POLE: variants seen among roughly 807,000 people sequenced by gnomAD.
POLE encodes DNA polymerase epsilon catalytic subunit A.
Under a neutral mutation model 279.2 loss-of-function variants are expected in POLE, and 188 were observed. That is an observed-to-expected ratio of 0.67 (90% CI 0.60 to 0.76). The LOEUF (loss-of-function observed/expected upper bound fraction) is 0.76. POLE is among the 30% of genes least tolerant of loss of function. POLE has a pLI of 0.00. For missense variants in POLE, 2,703 were observed against 3,016.7 expected, an observed-to-expected ratio of 0.90 and a Z score of 2.44; for synonymous variants, 1,214 against 1,172.5, an observed-to-expected ratio of 1.04 and a Z score of -0.72.
At chr12:132,666,161 G>T (rs970366514) in intron 20 of POLE, among the ~76,000 whole-genome samples, 1 of 152,198 alleles carries the variant, frequency 6.6e-6, no homozygotes, top group African/African-American at 2.4e-5. Context: ...ACAGCCAAAA[G>T]GTGGAAGCAA....
At position 132,649,888 on chromosome 12, in the gene POLE, A is replaced by T. The variant is rs1257772353; in HGVS notation, c.3584T>A (p.Val1195Asp). ...ELFTLEGRRQ[V>D]TMAEASEDSP... ...GTCTTCTGAGGCCTCGGCCATCGTG[A>T]CCTGGAAAGACCCAGTGAAGCCTTA... The change falls in exon 30 of 49, where the codon GTC (valine) becomes GAC (aspartate). Residue 1195 changes from valine to aspartate, a missense_variant and splice_region_variant. By Grantham distance (152) the Val-to-Asp change is radical. Transcript: ENST00000320574. 6.2e-7 allele frequency: 1 copy of T among 1,613,160 alleles called. No homozygotes were observed. Among genetic ancestry groups the T allele is most frequent in the African/African-American group, 1.3e-5 (1 of 74,872 alleles).
chr12:132,660,375 A>G (rs145292890), intron 25 of POLE: 4 of 152,642 alleles, frequency 2.6e-5, no homozygotes, highest in African/African-American at 9.6e-5. Flanking sequence ...ACAGAAGCCC[A>G]CACAGCAAAG....
chr12:132,687,310 A>C lies in POLE; in HGVS notation c.6T>G (p.Ser2=). Residue 2 remains serine, a synonymous_variant, in exon 1 of 49, where the codon TCT becomes TCG. Coordinates refer to ENST00000320574, the MANE Select transcript of POLE (RefSeq NM_006231.4). M[S]LRSGGRRRAD... ...CGCGCCGCCGCCCGCCGCTCCTCAG[A>C]GACATGGAGCCGTTGGCTACCACCT... The C allele has an allele frequency of 2.7e-6, 4 of 1,503,018 alleles. No individual in the cohort carries two copies. The highest frequency in any genetic ancestry group is 3.6e-6 in the Non-Finnish European group (4 of 1,125,890). The allele number at this position is 1,503,018 out of a possible 1,614,324, so 93.1% of individuals were successfully genotyped here.
At chr12:132,658,934 T>C (rs2042614480) in intron 26 of POLE, among the ~76,000 whole-genome samples, 1 of 148,432 alleles carries the variant, frequency 6.7e-6, no homozygotes, top group African/African-American at 2.4e-5. Flanking sequence ...TTTTAAGTTT[T>C]ACATACACGG....
intron 39 of POLE, chr12:132,641,183 C>T (rs1429879661): frequency 4.9e-6 from 2 of 409,028 alleles, no homozygotes; most frequent in South Asian, 1.8e-5. Flanking sequence ...CATTGCCCAG[C>T]ATGAACCACC....
intron 47 of POLE, 59 bp downstream of exon 47, chr12:132,625,586 T>C (rs916226219): frequency 1.6e-4 from 252 of 1,597,368 alleles, no homozygotes; most frequent in Non-Finnish European, 2.0e-4. Context: ...CTCCCGGGAG[T>C]GCACAGAAAC....
intron 6 of POLE, 39 bp from the exon 7 acceptor site, chr12:132,677,758 G>A (rs746752310): frequency 5.6e-6 from 9 of 1,604,082 alleles, no homozygotes; most frequent in Non-Finnish European, 7.7e-6. Context: ...CAGCTGCCAG[G>A]GTCTGGAGGA....
rs5744917 is a variant in POLE, at chr12:132,645,163, G to A, written c.4150-1186C>T. 7.2e-3 allele frequency among the ~76,000 whole-genome samples: 796 copies of A among 110,998 alleles called. 12 individuals carry two copies. The highest frequency in any genetic ancestry group is 0.026 in the African/African-American group (712 of 26,922). 72.8% of individuals were successfully genotyped at this position (110,998 alleles called of 152,430 possible). A position where few individuals can be genotyped will look rare whatever the true frequency, so the allele number is the denominator to read the frequency against. ...GAGGGGGCACCCTAGCTTCCTGTGT[G>A]GGGTCCTGGGGGGTCTGGGAGAGCT... On this transcript the variant is annotated intron_variant, in intron 32 of 48. Coordinates refer to ENST00000320574, the MANE Select transcript of POLE (RefSeq NM_006231.4).
At position 132,672,826 on chromosome 12, in the gene POLE, C is replaced by A. The variant is rs1485752650; in HGVS notation, c.1487G>T (p.Gly496Val). Reference sequence around the variant, plus strand: ...CAAGGCCTCACACAGAGTGCCAGAGCCCTTCCGCAGCACCTGCAAGAGAAA... The same window carrying A: ...CAAGGCCTCACACAGAGTGCCAGAGACCTTCCGCAGCACCTGCAAGAGAAA... Reference protein sequence around the residue: ...PMEPDEVLRKGSGTLCEALLM... With the variant: ...PMEPDEVLRKVSGTLCEALLM... Residue 496 changes from glycine (G) to valine (V), a missense_variant, in exon 15 of 49, where the codon GGC becomes GTC. Physicochemically the swap from Gly to Val is moderately radical, Grantham distance 109 (BLOSUM62 -3). Coordinates refer to ENST00000320574, the MANE Select transcript of POLE (RefSeq NM_006231.4). 1.2e-6 allele frequency: 2 copies of A among 1,613,996 alleles called. No individual in the cohort carries two copies. Among genetic ancestry groups the A allele is most frequent in the Admixed American group, 1.7e-5 (1 of 60,014 alleles).
rs1060500890 is a variant in POLE, at chr12:132,687,311, G to A, written c.5C>T (p.Ser2Phe). The part of the protein sequence containing the change: M[S>F]LRSGGRRRAD... ...GCGCCGCCGCCCGCCGCTCCTCAGA[G>A]ACATGGAGCCGTTGGCTACCACCTC... Residue 2 changes from serine to phenylalanine, a missense_variant, in exon 1 of 49, where the codon TCT (serine) becomes TTT (phenylalanine). Physicochemically the swap from Ser to Phe is radical, Grantham distance 155 (BLOSUM62 -2). Coordinates refer to ENST00000320574, the MANE Select transcript of POLE (RefSeq NM_006231.4). 2.0e-6 allele frequency: 3 copies of A among 1,502,350 alleles called. No individual in the cohort carries two copies. Among genetic ancestry groups the A allele is most frequent in the Non-Finnish European group, 2.7e-6 (3 of 1,125,478 alleles). The allele number at this position is 1,502,350 out of a possible 1,614,324, so 93.1% of individuals were successfully genotyped here.
intron 25 of POLE, 191 bp downstream of exon 25, chr12:132,660,778 G>A: frequency 2.3e-6 from 1 of 439,764 alleles, no homozygotes; most frequent in Admixed American, 3.8e-5. Flanking sequence ...CCTCAGAGTT[G>A]TGTCCCTGGA....
rs368745634 is a variant in POLE at position 132,633,128 on chromosome 12, A to G, written c.6005-333T>C. On this transcript the variant is annotated intron_variant, in intron 43 of 48. Coordinates refer to ENST00000320574, the MANE Select transcript of POLE (RefSeq NM_006231.4). ...CCCCTGGCATCAGCAAGCTTCTCCA[A>G]AAACTACTCCGGGCCTGTCACCTGG... is the stretch of plus-strand genomic sequence containing the variant. 6.8e-5 allele frequency: 13 copies of G among 191,248 alleles called. No individual in the cohort carries two copies. The East Asian group carries it at 1.2e-3, about 18-fold the overall frequency. 11.8% of individuals were successfully genotyped at this position (191,248 alleles called of 1,614,324 possible). A position where few individuals can be genotyped will look rare whatever the true frequency, so the allele number is the denominator to read the frequency against.
At chr12:132,650,716 G>C (rs936232270) in intron 29 of POLE, 1 of 152,096 alleles carries the variant, frequency 6.6e-6, no homozygotes, top group Non-Finnish European at 1.5e-5. Context: ...AATGCTTTTT[G>C]TAAGAAAGAA....
rs1302611270 is a variant in POLE at position 132,634,060 on chromosome 12, C to A, written c.6004+126G>T. ...CCCTCGGCTCACAAAGTCCCAACTG[C>A]TGGGCAGGCTCCGCCCGATCTGATT... On this transcript the variant is annotated intron_variant, in intron 43 of 48. Transcript: ENST00000320574. The surrounding 1 kb of genome is among the most constrained non-coding windows in gnomAD (Gnocchi z 4.0). The A allele has an allele frequency of 1.0e-5, 9 of 866,554 alleles. No homozygotes were observed. Among genetic ancestry groups the A allele is most frequent in the Non-Finnish European group, 1.6e-5 (9 of 554,222 alleles). The allele number at this position is 866,554 out of a possible 1,614,324, so 53.7% of individuals were successfully genotyped here.
At chr12:132,625,147 G>C (rs1369063713) in intron 47 of POLE, 153 bp from the exon 48 acceptor site, 2 of 684,656 alleles carry the variant, frequency 2.9e-6, no homozygotes, top group African/African-American at 1.8e-5. Context: ...TGAGTAAAAT[G>C]CACGACCTCA....
intron 2 of POLE, 129 bp from the exon 3 acceptor site, chr12:132,680,816 T>C (rs2043150807): frequency 1.4e-6 from 1 of 722,034 alleles, no homozygotes. Context: ...ACTCCACCCC[T>C]ACATTAACAC....
At chr12:132,678,721 GC>G (rs2043108521) in intron 6 of POLE, among the ~76,000 whole-genome samples, 1 of 152,372 alleles carries the variant, frequency 6.6e-6, no homozygotes, top group Admixed American at 6.5e-5. Flanking sequence ...GCTTCACACA[GC>G]CTGTGCATGG....
intron 41 of POLE, among the ~76,000 whole-genome samples, chr12:132,636,425 A>G (rs1461549604): frequency 1.5e-5 from 2 of 135,926 alleles, no homozygotes; most frequent in African/African-American, 5.8e-5. Flanking sequence ...TCCTCTGCAC[A>G]TTAGATCCAT....
At chr12:132,665,174 TTCTCCCTC>T in intron 21 of POLE, 120 bp downstream of exon 21, 1 of 892,622 alleles carries the variant, frequency 1.1e-6, no homozygotes, top group Non-Finnish European at 1.7e-6. Context: ...GCCCAAAGCC[TTCTCCCTC>T]CAACATTCCT....
Sources: allele counts gnomAD v4.1 joint callset (sites outside exome capture counted in the v4.1 genomes callset), GRCh38; gene constraint gnomAD v4.1.1; non-coding constraint Gnocchi (gnomAD v3.1); transcripts MANE v1.5; gene names NCBI Gene and HGNC (gene_info 2026-07-23, HGNC 2026-07-21).